CECR2: variants seen among roughly 807,000 people sequenced by gnomAD.
CECR2 encodes CECR2 histone acetyl-lysine reader, also known as chromatin remodeling regulator CECR2.
Under a neutral mutation model 154.5 loss-of-function variants are expected in CECR2, and 30 were observed. That is an observed-to-expected ratio of 0.19 (90% CI 0.15 to 0.26). CECR2 has a LOEUF of 0.26. CECR2 is among the 10% of genes least tolerant of loss of function. The pLI, the probability that CECR2 is intolerant of heterozygous loss-of-function variation, is 1.00. For missense variants in CECR2, 1,743 were observed against 1,829.3 expected (o/e 0.95, Z 0.86); for synonymous variants, 725 against 683.7 (o/e 1.06, Z -0.94).
intron 1 of CECR2, among the ~76,000 whole-genome samples, chr22:17,438,826 A>T (rs981802415): frequency 1.4e-4 from 21 of 152,124 alleles, no homozygotes; most frequent in African/African-American, 4.8e-4. Context: ...TCACAGTGAA[A>T]CTTAATAAAA....
intron 1 of CECR2, among the ~76,000 whole-genome samples, chr22:17,381,897 G>GTT (rs11410732): frequency 4.4e-4 from 62 of 139,832 alleles, no homozygotes; most frequent in African/African-American, 1.7e-3. Context: ...TTTTTTTTTT[G>GTT]TTTTTTTTGA....
At chr22:17,451,329 C>CA (rs1328656411) in intron 1 of CECR2, among the ~76,000 whole-genome samples, 1 of 152,094 alleles carries the variant, frequency 6.6e-6, no homozygotes, top group Non-Finnish European at 1.5e-5. Context: ...TTTTGGCTTA[C>CA]AAAAATAACT....
At position 17,548,639 on chromosome 22, in the gene CECR2, C is replaced by A. The variant is rs1034092390; in HGVS notation, c.3352C>A (p.Pro1118Thr). ...GGGAGGCACTGTGAGCCAGTTTCCC[C>A]CGCTGTATATGCCTGGCCTAGAGTA... is the stretch of plus-strand genomic sequence containing the variant. Reference protein sequence around the residue: ...LTGGTVSQFPPLYMPGLEYPN... With the variant: ...LTGGTVSQFPTLYMPGLEYPN... Residue 1118 changes from proline to threonine, a missense_variant, in exon 17 of 19, where the codon CCG becomes ACG. Coordinates refer to ENST00000262608, the MANE Select transcript of CECR2 (RefSeq NM_001290047.2). 1.9e-6 allele frequency: 3 copies of A among 1,613,052 alleles called. No individual in the cohort carries two copies. The highest frequency in any genetic ancestry group is 2.5e-6 in the Non-Finnish European group (3 of 1,179,540).
At chr22:17,447,499 C>T (rs1215645917) in intron 1 of CECR2, among the ~76,000 whole-genome samples, 1 of 151,948 alleles carries the variant, frequency 6.6e-6, no homozygotes, top group South Asian at 2.1e-4. Context: ...GGTGCGTTTA[C>T]AGTACCACTG....
intron 2 of CECR2, among the ~76,000 whole-genome samples, chr22:17,488,289 G>C (rs971043672): frequency 6.6e-6 from 1 of 152,146 alleles, no homozygotes; most frequent in Admixed American, 6.5e-5. Context: ...AGAAATATCT[G>C]TCATCTTTTT....
intron 1 of CECR2, among the ~76,000 whole-genome samples, chr22:17,386,204 T>G (rs2063258872): frequency 1.3e-5 from 2 of 152,100 alleles, no homozygotes; most frequent in South Asian, 4.1e-4. Flanking sequence ...AGTTGGTGAT[T>G]TGAAGGGGTC....
rs141889345 is a variant in CECR2, at chr22:17,498,248, G to A, written c.405+662G>A. On this transcript the variant is annotated intron_variant, in intron 3 of 18. Transcript: ENST00000262608. ...CACTAAAAGTAAAAAAAAATTAGCC[G>A]GGCGTGGTGGCAGGCGCCTGTAGTC... Among the ~76,000 whole-genome samples the A allele has an allele frequency of 5.6e-3, 854 of 152,178 alleles. 24 individuals are homozygous for A. In the East Asian group the frequency reaches 0.1, roughly 19 times the overall value.
intron 1 of CECR2, among the ~76,000 whole-genome samples, chr22:17,383,016 A>G (rs545210488): frequency 2.6e-5 from 4 of 152,160 alleles, no homozygotes; most frequent in Non-Finnish European, 5.9e-5. Context: ...TCATGAGGTC[A>G]GGAGTTCGAG....
chr22:17,419,686 A>C, intron 1 of CECR2: 1 of 155,848 alleles, frequency 6.4e-6, no homozygotes. Flanking sequence ...AGGCCTTCCT[A>C]AAAAATAGTG....
chr22:17,392,307 A>G (rs1018870398), intron 1 of CECR2, among the ~76,000 whole-genome samples: 1 of 151,988 alleles, frequency 6.6e-6, no homozygotes, highest in Admixed American at 6.6e-5. Flanking sequence ...CCTGGCCAAC[A>G]TGGCGAAACC....
chr22:17,472,740 A>G (rs5746414), intron 1 of CECR2, among the ~76,000 whole-genome samples: 21,978 of 152,174 alleles, frequency 0.14, 2,112 homozygotes, highest in East Asian at 0.42. Context: ...CAGGGATTAG[A>G]AACACATCAA....
chr22:17,542,842 T>A lies in CECR2; in HGVS notation c.2699T>A (p.Val900Glu). 6.2e-7 allele frequency: 1 copy of A among 1,613,502 alleles called. No individual in the cohort carries two copies. Among genetic ancestry groups the A allele is most frequent in the Non-Finnish European group, 8.5e-7 (1 of 1,179,574 alleles). ...TCCTCCCGCGTCTGCCCCCCAGGTGTGCCTTACCACCCCCACCAGCCTGCA... is the reference window on the plus strand; with the variant it reads ...TCCTCCCGCGTCTGCCCCCCAGGTGAGCCTTACCACCCCCACCAGCCTGCA... Reference protein sequence around the residue: ...QLSSRVCPPGVPYHPHQPAHP... With the variant: ...QLSSRVCPPGEPYHPHQPAHP... The change falls in exon 16 of 19, where the codon GTG becomes GAG. Residue 900 changes from valine to glutamate, a missense_variant. Transcript: ENST00000262608.
At chr22:17,510,313 ATCT>A (rs2055920383) in intron 7 of CECR2, among the ~76,000 whole-genome samples, 1 of 152,030 alleles carries the variant, frequency 6.6e-6, no homozygotes, top group Non-Finnish European at 1.5e-5. Context: ...AGTTGAAGAG[ATCT>A]TGTTAGAGTC....
At chr22:17,534,163 G>C (rs1196763687) in intron 9 of CECR2, among the ~76,000 whole-genome samples, 1 of 152,076 alleles carries the variant, frequency 6.6e-6, no homozygotes, top group Non-Finnish European at 1.5e-5. Context: ...AGAAAACATG[G>C]GTTTTTCAGA....
chr22:17,416,680 T>G (rs776098523), intron 1 of CECR2, among the ~76,000 whole-genome samples: 3 of 152,174 alleles, frequency 2.0e-5, no homozygotes, highest in Non-Finnish European at 2.9e-5. Flanking sequence ...TTTTGTATTT[T>G]TAGTAGAGAC....
At chr22:17,551,165 C>G (rs1311993623) in intron 17 of CECR2, among the ~76,000 whole-genome samples, 1 of 152,142 alleles carries the variant, frequency 6.6e-6, no homozygotes, top group Non-Finnish European at 1.5e-5. Context: ...GCCCTTAACC[C>G]CTCAATACTT....
chr22:17,473,043 T>C (rs1290596103), intron 1 of CECR2, among the ~76,000 whole-genome samples: 1 of 152,124 alleles, frequency 6.6e-6, no homozygotes, highest in Non-Finnish European at 1.5e-5. Context: ...ACTGCACGGC[T>C]CGAAGGATTT....
rs35473694 is a variant in CECR2 at position 17,449,483 on chromosome 22, CTTTTTTTTTTTT to C, written c.127-28092_127-28081del. On this transcript the variant is annotated intron_variant, in intron 1 of 18. Coordinates refer to ENST00000262608, the MANE Select transcript of CECR2 (RefSeq NM_001290047.2). ...CCGCACATCTAATTGGTAACCAGTT[CTTTTTTTTTTTT>C]TTTTTTTTTTTTGAGACAGAGTCTT... 1.7e-4 allele frequency among the ~76,000 whole-genome samples: 12 copies of C among 71,462 alleles called. No homozygotes were observed. In the East Asian group the frequency reaches 2.2e-3, roughly 13 times the overall value. 46.9% of individuals were successfully genotyped at this position (71,462 alleles called of 152,430 possible).
rs117061666 is a variant in CECR2, at chr22:17,445,053, T to G, written c.127-32535T>G. Among the ~76,000 whole-genome samples, 1,378 of 152,368 alleles carry G rather than the reference T, an allele frequency of 9.0e-3. 75 individuals carry two copies. In the East Asian group the frequency reaches 0.16, roughly 17 times the overall value. ...TATTTTTCTCTTTATTTTGCTACTT[T>G]TATATCCTTAAATGCTTTTGAATAC... On this transcript the variant is annotated intron_variant, in intron 1 of 18. Coordinates refer to ENST00000262608, the MANE Select transcript of CECR2 (RefSeq NM_001290047.2).
Sources: allele counts gnomAD v4.1 joint callset (sites outside exome capture counted in the v4.1 genomes callset), GRCh38; gene constraint gnomAD v4.1.1; transcripts MANE v1.5; gene names NCBI Gene and HGNC (gene_info 2026-07-23, HGNC 2026-07-21).